E2F5: variants seen among roughly 807,000 people sequenced by gnomAD.
E2F5 encodes the protein E2F transcription factor 5, also known as transcription factor E2F5.
Under a neutral mutation model 39.1 loss-of-function variants are expected in E2F5, and 23 were observed. The ratio of observed to expected loss-of-function variants is 0.59; its 90% CI spans 0.42 to 0.83. The LOEUF is 0.83. Among genes scored for constraint, E2F5 ranks in the 40% least tolerant of loss-of-function variants. The pLI is 0.00. For synonymous variants in E2F5, 145 were observed against 157.8 expected (o/e 0.92, Z 0.61); for missense variants, 365 against 406.7 (o/e 0.90, Z 0.88).
intron 1 of E2F5, among the ~76,000 whole-genome samples, chr8:85,197,250 T>C (rs1051384242): frequency 6.6e-6 from 1 of 152,232 alleles, no homozygotes; most frequent in Non-Finnish European, 1.5e-5. Flanking sequence ...GGATGTTTCC[T>C]ATTATTGTTT....
chr8:85,177,794 G>GTGGC (rs1051359030), intron 1 of E2F5, 140 bp downstream of exon 1: 1 of 1,145,956 alleles, frequency 8.7e-7, no homozygotes, highest in African/African-American at 1.6e-5. Flanking sequence ...CGAGGACCAT[G>GTGGC]TGGCCTGCGC....
At chr8:85,181,491 C>T (rs1356484880) in intron 1 of E2F5, among the ~76,000 whole-genome samples, 11 of 149,146 alleles carry the variant, frequency 7.4e-5, no homozygotes, top group African/African-American at 2.0e-4. Flanking sequence ...CCACCACGCC[C>T]GGCTAGTTTT....
chr8:85,179,139 A>G (rs948919476), intron 1 of E2F5, among the ~76,000 whole-genome samples: 18 of 152,192 alleles, frequency 1.2e-4, no homozygotes, highest in African/African-American at 4.3e-4. Flanking sequence ...TTTCACAGGA[A>G]GTCATGAAGT....
intron 1 of E2F5, among the ~76,000 whole-genome samples, chr8:85,190,586 C>T (rs148292362): frequency 1.0e-3 from 147 of 141,056 alleles, no homozygotes; most frequent in African/African-American, 3.8e-3. Context: ...TCACTGCAAC[C>T]TCCGTCTCCC....
intron 3 of E2F5, 70 bp downstream of exon 3, chr8:85,203,325 A>C: frequency 7.8e-7 from 1 of 1,284,002 alleles, no homozygotes. Flanking sequence ...ATTTCAGTCT[A>C]AAGATCATTC....
chr8:85,193,178 A>T (rs1246962287), intron 1 of E2F5, among the ~76,000 whole-genome samples: 3 of 152,130 alleles, frequency 2.0e-5, no homozygotes, highest in African/African-American at 7.2e-5. Context: ...TTATATATAT[A>T]CTTTACATAT....
intron 1 of E2F5, among the ~76,000 whole-genome samples, chr8:85,190,704 G>T (rs958087041): frequency 1.3e-5 from 2 of 151,524 alleles, no homozygotes; most frequent in African/African-American, 2.4e-5. Flanking sequence ...GAGTTTCACC[G>T]TATTGGTCAG....
At chr8:85,192,552 G>A (rs944079780) in intron 1 of E2F5, among the ~76,000 whole-genome samples, 2 of 152,188 alleles carry the variant, frequency 1.3e-5, no homozygotes, top group Admixed American at 1.3e-4. Flanking sequence ...ACTAGAGAAC[G>A]ATGAGGGAGT....
At chr8:85,196,628 A>ATT (rs1812586789) in intron 1 of E2F5, among the ~76,000 whole-genome samples, 2 of 152,234 alleles carry the variant, frequency 1.3e-5, no homozygotes, top group South Asian at 2.1e-4. Context: ...CCATTTAAAA[A>ATT]TGTTTTACCA....
intron 1 of E2F5, among the ~76,000 whole-genome samples, chr8:85,182,990 G>A (rs199627881): frequency 6.6e-6 from 1 of 152,170 alleles, no homozygotes; most frequent in South Asian, 2.1e-4. Flanking sequence ...GGTGGTTCAC[G>A]CCTGTAATCC....
In E2F5 at chr8:85,197,697, T is replaced by C. The variant is rs113109220; in HGVS notation, c.235-4450T>C. Among the ~76,000 whole-genome samples the C allele has an allele frequency of 2.0e-5, 3 of 152,338 alleles. 1 individual carries two copies. The highest frequency in any genetic ancestry group is 7.2e-5 in the African/African-American group (3 of 41,580). On this transcript the variant is annotated intron_variant, in intron 1 of 7. Coordinates refer to ENST00000416274, the MANE Select transcript of E2F5 (RefSeq NM_001951.4). ...CAATTAGATGCTTCCTTTATGGCTG[T>C]ATAGGTAAAATCCTATGAGAGTAAA...
intron 1 of E2F5, among the ~76,000 whole-genome samples, chr8:85,196,175 G>A (rs932882141): frequency 1.3e-5 from 2 of 152,058 alleles, no homozygotes; most frequent in Admixed American, 6.6e-5. Flanking sequence ...AGCGCTTTGC[G>A]TCTTTAAAGT....
At chr8:85,186,836 T>G (rs1487361062) in intron 1 of E2F5, among the ~76,000 whole-genome samples, 1 of 148,288 alleles carries the variant, frequency 6.7e-6, no homozygotes, top group South Asian at 2.1e-4. Flanking sequence ...GGTATATATA[T>G]GTAAGGTGTA....
At chr8:85,206,403 T>G (rs1369319751) in intron 4 of E2F5, among the ~76,000 whole-genome samples, 183 bp downstream of exon 4, 1 of 152,212 alleles carries the variant, frequency 6.6e-6, no homozygotes, top group African/African-American at 2.4e-5. Flanking sequence ...ATAGCTGCTT[T>G]TCACAGCATT....
At chr8:85,179,923 G>A (rs1396191561) in intron 1 of E2F5, among the ~76,000 whole-genome samples, 1 of 152,138 alleles carries the variant, frequency 6.6e-6, no homozygotes, top group Non-Finnish European at 1.5e-5. Flanking sequence ...GCCTCCCAAA[G>A]TGCTGGGATT....
chr8:85,183,835 A>C (rs1812272818), intron 1 of E2F5, among the ~76,000 whole-genome samples: 1 of 152,212 alleles, frequency 6.6e-6, no homozygotes, highest in Non-Finnish European at 1.5e-5. Flanking sequence ...ACCTCCATAC[A>C]TCAGAATGTG....
intron 5 of E2F5, among the ~76,000 whole-genome samples, chr8:85,208,166 TA>T (rs1341077362): frequency 2.6e-5 from 4 of 152,048 alleles, no homozygotes; most frequent in Non-Finnish European, 5.9e-5. Context: ...CCATCTCTAC[TA>T]AAAATACAAA....
At chr8:85,202,356 T>A in intron 2 of E2F5, 100 bp downstream of exon 2, 1 of 838,690 alleles carries the variant, frequency 1.2e-6, no homozygotes, top group Non-Finnish European at 1.8e-6. Flanking sequence ...ATCCTCTATT[T>A]CAGTCAGGCC....
chr8:85,182,291 TAAC>T (rs1354578223), intron 1 of E2F5, among the ~76,000 whole-genome samples: 1 of 152,208 alleles, frequency 6.6e-6, no homozygotes, highest in Non-Finnish European at 1.5e-5. Context: ...GTTATCCTCT[TAAC>T]AACAGTGAAC....
Sources: gnomAD v4.1 joint callset for allele counts (sites outside exome capture counted in the v4.1 genomes callset) on GRCh38, gnomAD v4.1.1 for gene constraint, MANE v1.5 for transcripts, NCBI Gene and HGNC (gene_info 2026-07-23, HGNC 2026-07-21) for gene names.